XDH: variants seen among roughly 807,000 people sequenced by gnomAD.
XDH encodes the protein xanthine dehydrogenase.
A neutral mutation model predicts 156.1 loss-of-function variants in XDH; 138 were observed. The observed-to-expected ratio is 0.88, with a 90% confidence interval of 0.77 to 1.02. XDH has a LOEUF of 1.02. Ranked by LOEUF, XDH falls within the 50% of genes least tolerant of loss-of-function variation. The pLI is 0.00. For synonymous variants in XDH, 669 were observed against 625.7 expected (o/e 1.07, Z -1.03); for missense variants, 1,849 against 1,684.9 (o/e 1.10, Z -1.71).
At position 31,357,047 on chromosome 2, in the gene XDH, A is replaced by G. The variant is rs551341215; in HGVS notation, c.2632-6824T>C. On this transcript the variant is annotated intron_variant, in intron 24 of 35. Coordinates refer to ENST00000379416, the MANE Select transcript of XDH (RefSeq NM_000379.4). The stretch of plus-strand genomic sequence containing the variant: ...AACAAGCAGACCAAAAATACAAGAA[A>G]AAAATGAAATACAACATACCAAAAC... Among the ~76,000 whole-genome samples, 6 of 152,320 alleles carry G rather than the reference A, an allele frequency of 3.9e-5. No individual in the cohort carries two copies. In the East Asian group the frequency reaches 1.2e-3, roughly 29 times the overall value.
intron 2 of XDH, 51 bp downstream of exon 2, chr2:31,405,856 C>G: frequency 6.2e-7 from 1 of 1,603,590 alleles, no homozygotes. Flanking sequence ...CCTACAGAAT[C>G]AGTCACCATT....
At chr2:31,354,934 T>C (rs1342529662) in intron 24 of XDH, among the ~76,000 whole-genome samples, 1 of 152,178 alleles carries the variant, frequency 6.6e-6, no homozygotes, top group African/African-American at 2.4e-5. Flanking sequence ...TTCAAGATGC[T>C]TGGTGATCTT....
At chr2:31,361,888 T>C (rs1259817178) in intron 24 of XDH, among the ~76,000 whole-genome samples, 2 of 152,182 alleles carry the variant, frequency 1.3e-5, no homozygotes, top group Non-Finnish European at 2.9e-5. Context: ...TCAGGAATAA[T>C]ACGGTCTCTC....
chr2:31,382,011 G>A (rs946625748), intron 11 of XDH, among the ~76,000 whole-genome samples: 8 of 152,168 alleles, frequency 5.3e-5, no homozygotes, highest in South Asian at 4.1e-4. Context: ...ACCTTTTCCC[G>A]AAAGGATTGA....
intron 18 of XDH, among the ~76,000 whole-genome samples, chr2:31,369,232 CT>C (rs1686004955): frequency 6.6e-6 from 1 of 152,124 alleles, no homozygotes; most frequent in South Asian, 2.1e-4. Context: ...AGACATGATA[CT>C]TTAAGTATCA....
intron 14 of XDH, among the ~76,000 whole-genome samples, chr2:31,376,445 G>T (rs1327997446): frequency 6.7e-6 from 1 of 149,076 alleles, no homozygotes; most frequent in Non-Finnish European, 1.5e-5. Context: ...AGTAGTAGTA[G>T]TAGCAGTAAC....
At chr2:31,405,852 G>C in intron 2 of XDH, 55 bp downstream of exon 2, 7 of 1,600,470 alleles carry the variant, frequency 4.4e-6, no homozygotes, top group Non-Finnish European at 6.0e-6. Flanking sequence ...AAGGCCTACA[G>C]AATCAGTCAC....
intron 9 of XDH, among the ~76,000 whole-genome samples, chr2:31,385,692 T>C (rs1342847436): frequency 6.6e-6 from 1 of 152,224 alleles, no homozygotes; most frequent in African/African-American, 2.4e-5. Flanking sequence ...CTTACAGCAC[T>C]GGGGCTGAGA....
chr2:31,342,306 G>C lies in XDH; in HGVS notation c.3405-9C>G, dbSNP rs547784089. On this transcript the variant is annotated splice_polypyrimidine_tract_variant and intron_variant, in intron 31 of 35. Transcript: ENST00000379416. Reference sequence around the variant, plus strand: ...AGCCCAGATTGGGTGTTCTGGGAGAGGAAAGAGAAGGTACTGCACATGTAT... The same window carrying C: ...AGCCCAGATTGGGTGTTCTGGGAGACGAAAGAGAAGGTACTGCACATGTAT... The C allele has an allele frequency of 6.2e-7, 1 of 1,608,908 alleles. No individual in the cohort carries two copies. The highest frequency in any genetic ancestry group is 1.3e-5 in the African/African-American group (1 of 74,776).
At chr2:31,400,839 C>G (rs937575816) in intron 4 of XDH, among the ~76,000 whole-genome samples, 7 of 152,188 alleles carry the variant, frequency 4.6e-5, no homozygotes, top group African/African-American at 1.7e-4. Flanking sequence ...ACAAGGGGCA[C>G]AGATAATTAA....
At chr2:31,380,296 C>T (rs558302406) in intron 12 of XDH, among the ~76,000 whole-genome samples, 17 of 152,280 alleles carry the variant, frequency 1.1e-4, no homozygotes, top group African/African-American at 4.1e-4. Flanking sequence ...GGGAAGAAGG[C>T]AGGAAAGAGT....
Position 31,366,060 on chromosome 2 carries a change from C to T in XDH, c.2372G>A (p.Arg791Gln), listed in dbSNP as rs143887178. 1.9e-5 allele frequency: 31 copies of T among 1,614,170 alleles called. No individual in the cohort carries two copies. The highest frequency in any genetic ancestry group is 4.5e-5 in the East Asian group (2 of 44,868). ...AAAGCCTCCTCCCATTCTCTTCACT[C>T]GAACCACAATCCGGTTTGCTGGAAC... ...LGVPANRIVV[R>Q]VKRMGGGFGG... Residue 791 changes from arginine to glutamine, a missense_variant, in exon 22 of 36, where the codon CGA (arginine) becomes CAA (glutamine). Arg to Gln is a conservative substitution (Grantham distance 43). Transcript: ENST00000379416.
At chr2:31,369,729 C>A (rs762154383) in intron 18 of XDH, among the ~76,000 whole-genome samples, 7 of 152,172 alleles carry the variant, frequency 4.6e-5, no homozygotes, top group Non-Finnish European at 8.8e-5. Flanking sequence ...TCTTTGTTCT[C>A]ATATTTTTAG....
chr2:31,384,673 G>GC (rs926661025), intron 9 of XDH, among the ~76,000 whole-genome samples: 18 of 152,224 alleles, frequency 1.2e-4, no homozygotes, highest in East Asian at 1.2e-3. Flanking sequence ...TGACCTCTTT[G>GC]CCCCCCCTTC....
intron 6 of XDH, among the ~76,000 whole-genome samples, chr2:31,391,360 G>A (rs1686757287): frequency 6.6e-6 from 1 of 151,934 alleles, no homozygotes. Context: ...TCTTTTTGTA[G>A]TATGGACAGT....
intron 24 of XDH, among the ~76,000 whole-genome samples, chr2:31,354,266 C>T (rs1056391518): frequency 6.6e-6 from 1 of 152,132 alleles, no homozygotes; most frequent in African/African-American, 2.4e-5. Context: ...CAGAAGGAGC[C>T]AATTAAAATA....
intron 4 of XDH, among the ~76,000 whole-genome samples, chr2:31,400,233 C>A (rs1687018028): frequency 7.2e-6 from 1 of 138,340 alleles, no homozygotes; most frequent in Admixed American, 7.2e-5. Context: ...GCTCTGGTAA[C>A]TTCTTTTTTT....
rs762679791 is a variant in XDH at position 31,388,257 on chromosome 2, A to G, written c.534T>C (p.Asn178=). The part of the protein sequence containing the change: ...GCCGGDGNNP[N]CCMNQKKDHS... ...GGTCTTTCTTCTGGTTCATGCAGCA[A>G]TTTGGATTATTCCCATCTCCTCCAC... is the stretch of plus-strand genomic sequence containing the variant. The change falls in exon 7 of 36, where the codon AAT becomes AAC. Residue 178 remains asparagine (N), a synonymous_variant. Coordinates refer to ENST00000379416, the MANE Select transcript of XDH (RefSeq NM_000379.4). The G allele has an allele frequency of 8.1e-6, 13 of 1,614,078 alleles. 1 individual carries two copies. In the Admixed American group the frequency reaches 8.3e-5, roughly 10 times the overall value.
rs1332888949 is a variant in XDH at position 31,364,229 on chromosome 2, T to A, written c.2560A>T (p.Thr854Ser). 6.2e-7 allele frequency: 1 copy of A among 1,614,140 alleles called. No homozygotes were observed. The highest frequency in any genetic ancestry group is 8.5e-7 in the Non-Finnish European group (1 of 1,180,024). The change falls in exon 24 of 36, where the codon ACT (threonine) becomes TCT (serine). Residue 854 changes from threonine to serine, a missense_variant. Coordinates refer to ENST00000379416, the MANE Select transcript of XDH (RefSeq NM_000379.4). ...ACCTCAAGAGCCACAACTGTCCCAG[T>A]CTTCATGAAGCCAACCTGATAAAAG... ...LARYKVGFMK[T>S]GTVVALEVDH...
Sources: gnomAD v4.1 joint callset for allele counts (sites outside exome capture counted in the v4.1 genomes callset) on GRCh38, gnomAD v4.1.1 for gene constraint, MANE v1.5 for transcripts, NCBI Gene and HGNC (gene_info 2026-07-23, HGNC 2026-07-21) for gene names.